PIDD1: variants seen among roughly 807,000 people sequenced by gnomAD.
PIDD1 encodes the protein p53-induced death domain protein 1, also known as p53-induced death domain-containing protein 1.
A neutral mutation model predicts 80.0 loss-of-function variants in PIDD1; 72 were observed. The ratio of observed to expected loss-of-function variants is 0.90; its 90% CI spans 0.74 to 1.09. PIDD1 has a LOEUF of 1.09. PIDD1 is among the 50% of genes least tolerant of loss of function. PIDD1 has a pLI of 0.00. For synonymous variants in PIDD1, 655 were observed against 543.5 expected, an observed-to-expected ratio of 1.21 and a Z score of -2.85; for missense variants, 1,329 against 1,228.3, an observed-to-expected ratio of 1.08 and a Z score of -1.23.
In PIDD1 at chr11:801,641, AG is replaced by A. The variant is rs1865337496; in HGVS notation, c.1303-18del. On this transcript the variant is annotated intron_variant, in intron 7 of 15. Coordinates refer to ENST00000347755, the MANE Select transcript of PIDD1 (RefSeq NM_145886.4). ...CCAGAGCCGCTGGGATGGGGGAGAG[AG>A]GAGGTCACAGGAGCCTGGGTCAGGG... 6.5e-5 allele frequency: 100 copies of A among 1,544,934 alleles called. No individual in the cohort carries two copies. The highest frequency in any genetic ancestry group is 2.5e-4 in the South Asian group (21 of 84,024).
intron 15 of PIDD1, 116 bp downstream of exon 15, chr11:799,699 G>A: frequency 7.3e-7 from 1 of 1,376,606 alleles, no homozygotes; most frequent in Non-Finnish European, 9.6e-7. Flanking sequence ...TTCCAGCCTG[G>A]TGTTTGCCCT....
rs758653782 is a variant in PIDD1 at position 802,714 on chromosome 11, C to A, written c.887G>T (p.Gly296Val). Reference protein sequence around the residue: ...PFVRLQGNPLGEASPDAPSSP... With the variant: ...PFVRLQGNPLVEASPDAPSSP... Reference sequence around the variant, plus strand: ...ACTCGGGGCGTCTGGCGAGGCCTCACCCAGGGGGTTCCCCTGCAGGCGCAC... The same window carrying A: ...ACTCGGGGCGTCTGGCGAGGCCTCAACCAGGGGGTTCCCCTGCAGGCGCAC... The change falls in exon 4 of 16, where the codon GGT becomes GTT. Residue 296 changes from glycine (G) to valine (V), a missense_variant. Coordinates refer to ENST00000347755, the MANE Select transcript of PIDD1 (RefSeq NM_145886.4). The A allele has an allele frequency of 2.4e-5, 39 of 1,611,700 alleles. No homozygotes were observed. Among genetic ancestry groups the A allele is most frequent in the Non-Finnish European group, 3.1e-5 (37 of 1,179,390 alleles).
At chr11:805,089 C>T (rs1865691719) in intron 1 of PIDD1, 90 bp downstream of exon 1, 2 of 482,790 alleles carry the variant, frequency 4.1e-6, no homozygotes, top group South Asian at 1.7e-4. Flanking sequence ...GCTCGGGATC[C>T]CCCGGGCGTC....
chr11:799,733 C>A lies in PIDD1; in HGVS notation c.2474+82G>T, dbSNP rs953243872. On this transcript the variant is annotated intron_variant, in intron 15 of 15. Coordinates refer to ENST00000347755, the MANE Select transcript of PIDD1 (RefSeq NM_145886.4). ...CTTCCCCCACCTCCCCTGGAAGAAA[C>A]TTCTGTCAGAATCAGGTGGGCCCTC... 8 of 1,390,832 alleles carry A rather than the reference C, an allele frequency of 5.8e-6. No homozygotes were observed. The African/African-American group carries it at 1.2e-4, about 20-fold the overall frequency. The allele number at this position is 1,390,832 out of a possible 1,614,324, so 86.2% of individuals were successfully genotyped here. A position where few individuals can be genotyped will look rare whatever the true frequency, so the allele number is the denominator to read the frequency against.
rs761320735 is a variant in PIDD1, at chr11:799,828, G to A, written c.2461C>T (p.Arg821Trp). The part of the protein sequence containing the change: ...GVSYREVQRI[R>W]HEFRDDLDEQ... ...TGGGAGCCTCACCGGAACTCGTGCCGGATGCGCTGCACCTCCCGGTAGGAC... is the reference window on the plus strand; with the variant it reads ...TGGGAGCCTCACCGGAACTCGTGCCAGATGCGCTGCACCTCCCGGTAGGAC... Residue 821 changes from arginine (R) to tryptophan (W), a missense_variant, in exon 15 of 16, where the codon CGG becomes TGG. Coordinates refer to ENST00000347755, the MANE Select transcript of PIDD1 (RefSeq NM_145886.4). 89 of 1,589,872 alleles carry A rather than the reference G, an allele frequency of 5.6e-5. No individual in the cohort carries two copies. Among genetic ancestry groups the A allele is most frequent in the East Asian group, 4.5e-5 (2 of 44,232 alleles).
chr11:804,172 C>T lies in PIDD1; in HGVS notation c.217G>A (p.Glu73Lys), dbSNP rs770317276. 16 of 1,613,276 alleles carry T rather than the reference C, an allele frequency of 9.9e-6. No individual in the cohort carries two copies. Among genetic ancestry groups the T allele is most frequent in the South Asian group, 4.4e-5 (4 of 91,076 alleles). Residue 73 changes from glutamate (E) to lysine (K), a missense_variant, in exon 2 of 16, where the codon GAG becomes AAG. By Grantham distance (56) the Glu-to-Lys change is moderately conservative. Transcript: ENST00000347755. ...QVEFLRLSTH[E>K]DPQLLEATLA... ...GTGGCCTCCAGCAGCTGAGGGTCCT[C>T]GTGAGTGCTCAGACGCAAGAATTCC...
intron 15 of PIDD1, 51 bp from the exon 16 acceptor site, chr11:799,616 C>G (rs751027837): frequency 1.3e-6 from 2 of 1,530,990 alleles, no homozygotes; most frequent in South Asian, 2.5e-5. Flanking sequence ...TGCCCAGGAC[C>G]CCCCACCACA....
At chr11:801,169 C>T in intron 9 of PIDD1, 49 bp from the exon 10 acceptor site, 14 of 1,546,370 alleles carry the variant, frequency 9.1e-6, no homozygotes, top group Non-Finnish European at 1.2e-5. Flanking sequence ...CGGAGACCCC[C>T]TCCACCCTAT....
At chr11:807,149 G>C (rs7122416), upstream of PIDD1, among the ~76,000 whole-genome samples, 1 of 146,998 alleles carries the variant, frequency 6.8e-6, no homozygotes, top group African/African-American at 2.5e-5. Flanking sequence ...CTGAGATCTC[G>C]GCACTGCACT....
rs149371389 is a variant in PIDD1, at chr11:800,416, C to G, written c.2077G>C (p.Val693Leu). 2 of 1,554,980 alleles carry G rather than the reference C, an allele frequency of 1.3e-6. No individual in the cohort carries two copies. The highest frequency in any genetic ancestry group is 2.9e-5 in the African/African-American group (2 of 69,966). ...ACATTCTTCAGGTGCGAGTAGAAGA[C>G]AAAGCAGATTCTGCCCTCCACACAG... ...PDCVEGRICF[V>L]FYSHLKNVKE... Residue 693 changes from valine (V) to leucine (L), a missense_variant, in exon 13 of 16, where the codon GTC becomes CTC. Physicochemically the swap from Val to Leu is conservative, Grantham distance 32. Coordinates refer to ENST00000347755, the MANE Select transcript of PIDD1 (RefSeq NM_145886.4).
upstream of PIDD1, chr11:805,310 C>G (rs991840517): frequency 1.2e-4 from 92 of 761,748 alleles, no homozygotes; most frequent in Admixed American, 1.9e-4. Context: ...GGGACGCGCC[C>G]CCTCCGCCGG....
chr11:805,052 G>T (rs919130830), intron 1 of PIDD1, 127 bp downstream of exon 1: 2 of 235,506 alleles, frequency 8.5e-6, no homozygotes, highest in Non-Finnish European at 1.4e-5. Flanking sequence ...CAGACGGCGT[G>T]GGGGGCGGGC....
chr11:800,740 G>A, intron 11 of PIDD1, 22 bp downstream of exon 11: 1 of 1,544,208 alleles, frequency 6.5e-7, no homozygotes. Flanking sequence ...CCACCCTGCT[G>A]CCCTCCGGCC....
At position 799,952 on chromosome 11, in the gene PIDD1, C is replaced by G. The variant is rs773226675; in HGVS notation, c.2337G>C (p.Leu779=). The change falls in exon 15 of 16, where the codon CTG becomes CTC. Residue 779 remains leucine (L), a synonymous_variant. Coordinates refer to ENST00000347755, the MANE Select transcript of PIDD1 (RefSeq NM_145886.4). The part of the protein sequence containing the change: ...GAGLSLAPLN[L]GDAETGFLTQ... ...TCAGAAAGCCGGTCTCGGCATCTCC[C>G]AGATTCAAGGGTGCCAAGGAGAGGC... 3 of 1,612,858 alleles carry G rather than the reference C, an allele frequency of 1.9e-6. No homozygotes were observed. Among genetic ancestry groups the G allele is most frequent in the Non-Finnish European group, 2.5e-6 (3 of 1,179,948 alleles).
upstream of PIDD1, among the ~76,000 whole-genome samples, chr11:807,928 C>T (rs896908924): frequency 2.6e-5 from 4 of 152,158 alleles, no homozygotes; most frequent in Non-Finnish European, 5.9e-5. Flanking sequence ...TTAGCATCTA[C>T]CTTTTAGGTA....
chr11:802,110 T>C lies in PIDD1; in HGVS notation c.1177-20A>G. 2 of 1,572,308 alleles carry C rather than the reference T, an allele frequency of 1.3e-6. No homozygotes were observed. Among genetic ancestry groups the C allele is most frequent in the Non-Finnish European group, 1.7e-6 (2 of 1,159,504 alleles). On this transcript the variant is annotated intron_variant, in intron 6 of 15. Transcript: ENST00000347755. ...CACATCCTGCCAGACAAGGATGGTG[T>C]GAGCACTGGAGCCATGCCCGGGCCC...
In PIDD1 at chr11:802,903, T is replaced by C; in HGVS notation, c.710-12A>G. 6.4e-7 allele frequency: 1 copy of C among 1,551,480 alleles called. No individual in the cohort carries two copies. Among genetic ancestry groups the C allele is most frequent in the South Asian group, 1.2e-5 (1 of 84,492 alleles). On this transcript the variant is annotated splice_polypyrimidine_tract_variant and intron_variant, in intron 3 of 15. Coordinates refer to ENST00000347755, the MANE Select transcript of PIDD1 (RefSeq NM_145886.4). The stretch of plus-strand genomic sequence containing the variant: ...GGACCGAAGTCCCGCTGCGGGCAGT[T>C]GCTGGCTTAGGCTTGGCACCAGCCC...
chr11:805,701 C>T (rs1364897280), upstream of PIDD1: 1 of 985,106 alleles, frequency 1.0e-6, no homozygotes, highest in Non-Finnish European at 1.2e-6. Flanking sequence ...GACCTCCTCT[C>T]TGGGCCTGCA....
rs369252804 is a variant in PIDD1, at chr11:801,359, G to C, written c.1489C>G (p.Arg497Gly). The C allele has an allele frequency of 6.2e-7, 1 of 1,608,856 alleles. No homozygotes were observed. ...EPRRVSMQVV[R>G]MAGRELQALL... ...GCCTGCAGCTCTCGGCCAGCCATGCGCACCACCTGGGGCAGACAGGCCCCC... is the reference window on the plus strand; with the variant it reads ...GCCTGCAGCTCTCGGCCAGCCATGCCCACCACCTGGGGCAGACAGGCCCCC... Residue 497 changes from arginine to glycine, a missense_variant, in exon 9 of 16, where the codon CGC becomes GGC. Arg to Gly is a moderately radical substitution (Grantham distance 125, BLOSUM62 -2). Coordinates refer to ENST00000347755, the MANE Select transcript of PIDD1 (RefSeq NM_145886.4).
Sources: allele counts gnomAD v4.1 joint callset (sites outside exome capture counted in the v4.1 genomes callset), GRCh38; gene constraint gnomAD v4.1.1; transcripts MANE v1.5; gene names NCBI Gene and HGNC (gene_info 2026-07-23, HGNC 2026-07-21).